MCTP2: variants seen among roughly 807,000 people sequenced by gnomAD.
MCTP2 encodes multiple C2 and transmembrane domain-containing protein 2.
A neutral mutation model predicts 111.6 loss-of-function variants in MCTP2; 132 were observed. The ratio of observed to expected loss-of-function variants is 1.18; its 90% confidence interval spans 1.03 to 1.37. The LOEUF (loss-of-function observed/expected upper bound fraction) is 1.37, where lower values mean the gene tolerates loss of function less well. Ranked by LOEUF, MCTP2 falls within the 40% of genes most tolerant of loss-of-function variation. The pLI is 0.00. For synonymous variants in MCTP2, 395 were observed against 387.7 expected, an observed-to-expected ratio of 1.02 and a Z score of -0.22; for missense variants, 1,183 against 1,067.9, an observed-to-expected ratio of 1.11 and a Z score of -1.50.
intron 21 of MCTP2, among the ~76,000 whole-genome samples, chr15:94,473,864 G>A (rs968979707): frequency 6.6e-6 from 1 of 152,146 alleles, no homozygotes; most frequent in Non-Finnish European, 1.5e-5. Context: ...GAAAAATGGT[G>A]TTTTAATTGT....
chr15:94,421,954 G>T (rs2082647934), intron 17 of MCTP2, among the ~76,000 whole-genome samples: 1 of 152,184 alleles, frequency 6.6e-6, no homozygotes, highest in Non-Finnish European at 1.5e-5. Flanking sequence ...GATTTCTAAA[G>T]CAAGCTCTGG....
intron 12 of MCTP2, among the ~76,000 whole-genome samples, chr15:94,373,952 G>A (rs909579015): frequency 6.6e-6 from 1 of 152,156 alleles, no homozygotes; most frequent in Non-Finnish European, 1.5e-5. Context: ...TGTGTGTAGT[G>A]TTTGACAAGA....
At chr15:94,258,639 T>TA (rs1321228557) in intron 1 of MCTP2, among the ~76,000 whole-genome samples, 1 of 152,206 alleles carries the variant, frequency 6.6e-6, no homozygotes, top group East Asian at 1.9e-4. Flanking sequence ...ACGCTTGCCT[T>TA]AAAAAACTAA....
intron 12 of MCTP2, among the ~76,000 whole-genome samples, chr15:94,371,370 A>T (rs1263645637): frequency 6.6e-6 from 1 of 152,184 alleles, no homozygotes; most frequent in Non-Finnish European, 1.5e-5. Flanking sequence ...TTTTATGAAA[A>T]CAGTCAACAT....
chr15:94,416,369 G>A (rs1013741074), intron 17 of MCTP2, among the ~76,000 whole-genome samples: 2 of 151,966 alleles, frequency 1.3e-5, no homozygotes, highest in Non-Finnish European at 2.9e-5. Flanking sequence ...TTCATTATAT[G>A]TGTGTCTTGA....
rs1441426799 is a variant in MCTP2 at position 94,356,311 on chromosome 15, A to AGAGTTGGT, written c.1170+10_1170+11insGAGTTGGT. Reference sequence around the variant, plus strand: ...GAGGTATAAAAGTAAGGTAAGTTCCATCTTTTCCATAAGGAGAACAGTATC... The same window carrying AGAGTTGGT: ...GAGGTATAAAAGTAAGGTAAGTTCCAGAGTTGGTTCTTTTCCATAAGGAGAACAGTATC... On this transcript the variant is annotated intron_variant, in intron 9 of 22. Transcript: ENST00000357742. 1 of 1,569,412 alleles carries AGAGTTGGT rather than the reference A, an allele frequency of 6.4e-7. No individual in the cohort carries two copies. Among genetic ancestry groups the AGAGTTGGT allele is most frequent in the Non-Finnish European group, 8.6e-7 (1 of 1,160,422 alleles).
In MCTP2 at chr15:94,350,250, G is replaced by C. The variant is rs577149127; in HGVS notation, c.1005+5086G>C. ...ACCATAAGGTGATGGAGGTAGGCTG[G>C]GATTAAGGTGAGGCAAGAGAGGTGC... is the stretch of plus-strand genomic sequence containing the variant. On this transcript the variant is annotated intron_variant, in intron 8 of 22. Coordinates refer to ENST00000357742, the MANE Select transcript of MCTP2 (RefSeq NM_001385001.1). 3.3e-5 allele frequency among the ~76,000 whole-genome samples: 5 copies of C among 152,284 alleles called. No individual in the cohort carries two copies. The South Asian group carries it at 1.0e-3, about 32-fold the overall frequency.
rs1241486813 is a variant in MCTP2 at position 94,385,426 on chromosome 15, C to T, written c.1689C>T (p.Pro563=). The part of the protein sequence containing the change: ...NPEWNKVFTF[P]IKDIHDVLEV... ...ATACATGGTATTTTTGTTACAGTCC[C>T]ATTAAAGATATCCATGATGTTTTGG... The change falls in exon 14 of 23, where the codon CCC becomes CCT. Residue 563 remains proline, a synonymous_variant. Transcript: ENST00000357742. The T allele has an allele frequency of 1.9e-6, 3 of 1,604,098 alleles. No individual in the cohort carries two copies. The highest frequency in any genetic ancestry group is 1.3e-5 in the African/African-American group (1 of 74,690).
chr15:94,394,092 G>A (rs1441709255), intron 14 of MCTP2, among the ~76,000 whole-genome samples: 1 of 149,182 alleles, frequency 6.7e-6, no homozygotes, highest in Non-Finnish European at 1.5e-5. Flanking sequence ...CGTGGTAGCT[G>A]AACACGTATG....
intron 4 of MCTP2, among the ~76,000 whole-genome samples, chr15:94,325,624 C>T (rs1432085844): frequency 1.3e-5 from 2 of 151,888 alleles, no homozygotes; most frequent in Non-Finnish European, 2.9e-5. Flanking sequence ...TTCTGTGAAA[C>T]AGGAGAAATG....
At position 94,352,901 on chromosome 15, in the gene MCTP2, G is replaced by C. The variant is rs187462323; in HGVS notation, c.1006-3236G>C. Among the ~76,000 whole-genome samples the C allele has an allele frequency of 4.6e-3, 705 of 152,328 alleles. 2 individuals are homozygous for C. The highest frequency in any genetic ancestry group is 6.2e-3 in the Non-Finnish European group (423 of 68,030). On this transcript the variant is annotated intron_variant, in intron 8 of 22. Coordinates refer to ENST00000357742, the MANE Select transcript of MCTP2 (RefSeq NM_001385001.1). ...GGCCTCATCAAACCTATCAAGTATG[G>C]AAGAGAAATGTTAAAGTAATTAAGA...
chr15:94,283,421 T>G (rs2074596131), intron 1 of MCTP2, among the ~76,000 whole-genome samples: 1 of 152,186 alleles, frequency 6.6e-6, no homozygotes. Context: ...CCCTTGGCTT[T>G]GCACAGGCTG....
intron 14 of MCTP2, among the ~76,000 whole-genome samples, chr15:94,396,055 C>G (rs1051987601): frequency 6.6e-6 from 1 of 152,122 alleles, no homozygotes; most frequent in African/African-American, 2.4e-5. Context: ...ATATTATGCA[C>G]TATTTGGCCA....
intron 17 of MCTP2, among the ~76,000 whole-genome samples, chr15:94,428,591 C>T (rs971052586): frequency 3.9e-5 from 6 of 152,020 alleles, no homozygotes; most frequent in East Asian, 1.9e-4. Context: ...TGCTTTTTCT[C>T]GGTTCTCTGT....
chr15:94,459,434 A>G (rs1330498258), intron 20 of MCTP2, among the ~76,000 whole-genome samples: 2 of 152,196 alleles, frequency 1.3e-5, no homozygotes, highest in Non-Finnish European at 2.9e-5. Flanking sequence ...TCGAATGCCC[A>G]TTTATTATAA....
intron 4 of MCTP2, among the ~76,000 whole-genome samples, chr15:94,325,284 G>T (rs7169354): frequency 0.4 from 60,534 of 151,806 alleles, 13,176 homozygotes; most frequent in East Asian, 0.6. Context: ...GGGGCCGTGA[G>T]GTGGGTGGAG....
intron 1 of MCTP2, among the ~76,000 whole-genome samples, chr15:94,264,743 A>G (rs2073413708): frequency 6.6e-6 from 1 of 152,192 alleles, no homozygotes; most frequent in Non-Finnish European, 1.5e-5. Context: ...CTTATATGTA[A>G]CTTGTTTTTA....
At chr15:94,467,514 A>G (rs2152537376) in intron 20 of MCTP2, among the ~76,000 whole-genome samples, 1 of 152,122 alleles carries the variant, frequency 6.6e-6, no homozygotes, top group East Asian at 1.9e-4. Context: ...TGTAGCTTTG[A>G]GCCCGCGGGT....
At chr15:94,364,106 C>T (rs2079067986) in intron 10 of MCTP2, among the ~76,000 whole-genome samples, 1 of 150,842 alleles carries the variant, frequency 6.6e-6, no homozygotes, top group South Asian at 2.1e-4. Context: ...CACTAAATTA[C>T]AAGTATTTCT....
Sources: gnomAD v4.1 joint callset for allele counts (sites outside exome capture counted in the v4.1 genomes callset) on GRCh38, gnomAD v4.1.1 for gene constraint, MANE v1.5 for transcripts, NCBI Gene and HGNC (gene_info 2026-07-23, HGNC 2026-07-21) for gene names.